CRY1: variants seen among roughly 807,000 people sequenced by gnomAD.
The protein encoded by CRY1 is cryptochrome circadian regulator 1.
A neutral mutation model predicts 76.0 loss-of-function variants in CRY1; 45 were observed. The ratio of observed to expected loss-of-function variants is 0.59; its 90% CI spans 0.47 to 0.76. The LOEUF (loss-of-function observed/expected upper bound fraction) is 0.76. CRY1 is among the 30% of genes least tolerant of loss of function. The pLI is 0.00. For missense variants in CRY1, 587 were observed against 716.4 expected (o/e 0.82, Z 2.06); for synonymous variants, 248 against 244.0 (o/e 1.02, Z -0.15).
intron 2 of CRY1, among the ~76,000 whole-genome samples, chr12:107,021,785 T>C (rs754726520): frequency 2.6e-5 from 4 of 152,092 alleles, no homozygotes; most frequent in Non-Finnish European, 5.9e-5. Context: ...TATTTCTAAT[T>C]GGATAAACAA....
chr12:107,014,653 CCTTTT>C (rs1200017391), intron 2 of CRY1, among the ~76,000 whole-genome samples: 1 of 151,704 alleles, frequency 6.6e-6, no homozygotes, highest in African/African-American at 2.4e-5. Flanking sequence ...CTTGATTTTT[CCTTTT>C]CTAATACAAT....
At chr12:107,044,747 A>G (rs528069596) in intron 1 of CRY1, among the ~76,000 whole-genome samples, 2 of 152,336 alleles carry the variant, frequency 1.3e-5, no homozygotes, top group East Asian at 3.9e-4. Context: ...AATACATTAG[A>G]GAGCTTCAGC....
intron 10 of CRY1, among the ~76,000 whole-genome samples, chr12:106,996,545 A>G (rs559959438): frequency 6.6e-6 from 1 of 152,342 alleles, no homozygotes; most frequent in African/African-American, 2.4e-5. Flanking sequence ...AGGAATCACC[A>G]CACTCTCTTC....
At chr12:107,070,777 T>G (rs1953179289) in intron 1 of CRY1, among the ~76,000 whole-genome samples, 1 of 151,560 alleles carries the variant, frequency 6.6e-6, no homozygotes, top group Non-Finnish European at 1.5e-5. Flanking sequence ...CTTGGCTCAC[T>G]GCAAGCTCTG....
At chr12:107,022,367 C>T (rs1454898474) in intron 1 of CRY1, among the ~76,000 whole-genome samples, 175 bp from the exon 2 acceptor site, 1 of 151,868 alleles carries the variant, frequency 6.6e-6, no homozygotes, top group Non-Finnish European at 1.5e-5. Context: ...AATTATAGCA[C>T]AAATTACCTA....
intron 2 of CRY1, among the ~76,000 whole-genome samples, chr12:107,019,292 A>T (rs1338395713): frequency 6.6e-6 from 1 of 152,230 alleles, no homozygotes. Flanking sequence ...ATAAAAAGGA[A>T]TTAATTCCCT....
intron 2 of CRY1, among the ~76,000 whole-genome samples, chr12:107,009,247 T>C (rs905267829): frequency 4.6e-5 from 7 of 152,186 alleles, no homozygotes; most frequent in African/African-American, 1.7e-4. Flanking sequence ...AGTAGCAGTA[T>C]TTTAAAATAT....
intron 1 of CRY1, among the ~76,000 whole-genome samples, chr12:107,080,794 T>C (rs1012341695): frequency 6.6e-6 from 1 of 152,034 alleles, no homozygotes; most frequent in Non-Finnish European, 1.5e-5. Context: ...GTAAGTAGAA[T>C]ATAAAGAAAT....
At chr12:107,023,732 A>C (rs981042858) in intron 1 of CRY1, among the ~76,000 whole-genome samples, 4 of 152,200 alleles carry the variant, frequency 2.6e-5, no homozygotes, top group African/African-American at 9.7e-5. Flanking sequence ...AGTAGGAAGC[A>C]AACCTTTCTA....
intron 1 of CRY1, among the ~76,000 whole-genome samples, chr12:107,068,513 G>C (rs913481888): frequency 6.6e-6 from 1 of 152,002 alleles, no homozygotes; most frequent in African/African-American, 2.4e-5. Flanking sequence ...GGTCAGGCTG[G>C]TCTCAAACTC....
At chr12:107,000,295 T>C (rs1005471515) in intron 5 of CRY1, among the ~76,000 whole-genome samples, 1 of 152,078 alleles carries the variant, frequency 6.6e-6, no homozygotes, top group Non-Finnish European at 1.5e-5. Context: ...CATACTCATG[T>C]GAAATAAATT....
intron 1 of CRY1, among the ~76,000 whole-genome samples, chr12:107,055,746 A>T (rs887789867): frequency 1.3e-5 from 2 of 152,008 alleles, no homozygotes; most frequent in African/African-American, 4.8e-5. Context: ...GTAATTGCTC[A>T]CACCTGTAAT....
intron 1 of CRY1, among the ~76,000 whole-genome samples, chr12:107,033,866 C>A (rs1246069515): frequency 2.0e-5 from 3 of 148,690 alleles, no homozygotes; most frequent in Admixed American, 1.4e-4. Flanking sequence ...ATCTAGTAGG[C>A]CTAACTAATG....
intron 10 of CRY1, among the ~76,000 whole-genome samples, chr12:106,994,146 A>G (rs1468423081): frequency 1.3e-5 from 2 of 152,198 alleles, no homozygotes; most frequent in African/African-American, 2.4e-5. Flanking sequence ...TACAGACAGG[A>G]TAAGTGTAAG....
intron 2 of CRY1, among the ~76,000 whole-genome samples, chr12:107,011,272 C>G (rs1250706854): frequency 1.3e-5 from 2 of 152,064 alleles, no homozygotes; most frequent in African/African-American, 4.8e-5. Flanking sequence ...ATCGTTTGAA[C>G]CCGGAAAGCG....
In CRY1 at chr12:106,998,020, C is replaced by A. The variant is rs1256461246; in HGVS notation, c.1184G>T (p.Gly395Val). Reference protein sequence around the residue: ...LLDADWSINAGSWMWLSCSSF... With the variant: ...LLDADWSINAVSWMWLSCSSF... ...ACTACAAGACAGCCACATCCAACTT[C>A]CAGCATTTATGCTCCAATCTGCATC... Residue 395 changes from glycine to valine, a missense_variant, in exon 8 of 13, where the codon GGA (glycine) becomes GTA (valine). By Grantham distance (109) the Gly-to-Val change is moderately radical. Transcript: ENST00000008527. 6.8e-6 allele frequency: 11 copies of A among 1,614,034 alleles called. No individual in the cohort carries two copies. The highest frequency in any genetic ancestry group is 9.3e-6 in the Non-Finnish European group (11 of 1,180,002).
At chr12:107,035,469 A>C (rs1015365311) in intron 1 of CRY1, among the ~76,000 whole-genome samples, 4 of 152,218 alleles carry the variant, frequency 2.6e-5, no homozygotes, top group African/African-American at 9.6e-5. Context: ...TACAGCTGCA[A>C]ACATTTAGAA....
intron 1 of CRY1, among the ~76,000 whole-genome samples, chr12:107,070,509 T>C (rs1339163176): frequency 2.6e-5 from 4 of 151,922 alleles, no homozygotes; most frequent in Non-Finnish European, 5.9e-5. Flanking sequence ...TGCATTTATG[T>C]ATGGGAGAAG....
chr12:106,999,082 C>A (rs183293498), intron 7 of CRY1, among the ~76,000 whole-genome samples: 1 of 149,382 alleles, frequency 6.7e-6, no homozygotes, highest in East Asian at 2.0e-4. Flanking sequence ...AGTCTTATTA[C>A]GTGTAATCCA....
Sources: gnomAD v4.1 joint callset for allele counts (sites outside exome capture counted in the v4.1 genomes callset) on GRCh38, gnomAD v4.1.1 for gene constraint, MANE v1.5 for transcripts, NCBI Gene and HGNC (gene_info 2026-07-23, HGNC 2026-07-21) for gene names.